ANOS1: variants seen among roughly 807,000 people sequenced by gnomAD.
The protein encoded by ANOS1 is anosmin-1.
A neutral mutation model predicts 59.0 loss-of-function variants in ANOS1; 6 were observed. The ratio of observed to expected loss-of-function variants is 0.10; its 90% CI spans 0.06 to 0.20. ANOS1 has a LOEUF of 0.20. Among genes scored for constraint, ANOS1 ranks in the 10% least tolerant of loss-of-function variants. The pLI is 1.00. For missense variants in ANOS1, 433 were observed against 542.3 expected (o/e 0.80, Z 2.00); for synonymous variants, 217 against 223.4 (o/e 0.97, Z 0.25).
intron 8 of ANOS1, among the ~76,000 whole-genome samples, chrX:8,554,559 T>A (rs866299926): frequency 1.0e-5 from 1 of 97,082 alleles, no homozygotes; most frequent in Non-Finnish European, 2.0e-5. Context: ...TTTTTTTTTT[T>A]TTTTTTTTTT....
Position 8,731,854 on chromosome X carries a change from G to T in ANOS1, c.183C>A (p.Ile61=), listed in dbSNP as rs1352848260. 1.1e-5 allele frequency: 13 copies of T among 1,192,895 alleles called. No homozygotes were observed. The highest frequency in any genetic ancestry group is 1.5e-5 in the Non-Finnish European group (13 of 887,820). Residue 61 remains isoleucine (I), a synonymous_variant, in exon 1 of 14, where the codon ATC becomes ATA. Transcript: ENST00000262648. Reference sequence around the variant, plus strand: ...CCTGGAAGTGCTGGAAGAAGGCGGAGATGCGAGTGATCTGCAGGCTCAGGC... The same window carrying T: ...CCTGGAAGTGCTGGAAGAAGGCGGATATGCGAGTGATCTGCAGGCTCAGGC... ...SRCLSLQITR[I]SAFFQHFQNN...
intron 1 of ANOS1, among the ~76,000 whole-genome samples, chrX:8,703,617 G>A (rs1461264651): frequency 9.0e-6 from 1 of 111,260 alleles, no homozygotes; most frequent in Non-Finnish European, 1.9e-5. Context: ...GTGAAGAAAG[G>A]AACAAGATGC....
intron 8 of ANOS1, among the ~76,000 whole-genome samples, chrX:8,564,948 A>G (rs1345316155): frequency 1.8e-5 from 2 of 111,783 alleles, no homozygotes; most frequent in Non-Finnish European, 3.8e-5. Flanking sequence ...AGGGTAGCAG[A>G]AGAAGCTAAT....
At position 8,704,154 on chromosome X, in the gene ANOS1, A is replaced by G. The variant is rs1371458737; in HGVS notation, c.208-4409T>C. Reference sequence around the variant, plus strand: ...TGGCTTTGCTCCTCCTTTGTCTTCCACCATGATTGTGAGGCCTCCCCAGCC... The same window carrying G: ...TGGCTTTGCTCCTCCTTTGTCTTCCGCCATGATTGTGAGGCCTCCCCAGCC... On this transcript the variant is annotated intron_variant, in intron 1 of 13. Coordinates refer to ENST00000262648, the MANE Select transcript of ANOS1 (RefSeq NM_000216.4). 4.5e-5 allele frequency among the ~76,000 whole-genome samples: 5 copies of G among 111,770 alleles called. No individual in the cohort carries two copies. The South Asian group carries it at 1.9e-3, about 42-fold the overall frequency.
chrX:8,586,931 T>C (rs1377425255), intron 5 of ANOS1, among the ~76,000 whole-genome samples: 1 of 105,857 alleles, frequency 9.4e-6, no homozygotes, highest in Non-Finnish European at 1.9e-5. Context: ...CACCTAAATA[T>C]TGACATTTAT....
Position 8,725,609 on chromosome X carries a change from GATAT to G in ANOS1, c.207+6217_207+6220del, listed in dbSNP as rs199789462. 4.1e-4 allele frequency among the ~76,000 whole-genome samples: 9 copies of G among 21,949 alleles called. 1 individual carries two copies. The highest frequency in any genetic ancestry group is 2.3e-3 in the African/African-American group (9 of 3,915). The allele number at this position is 21,949 out of a possible 115,157, so 19.1% of individuals were successfully genotyped here. ...ATATATATACAGATATATATATACA[GATAT>G]ATATATATACAGATATATATATACA... is the stretch of plus-strand genomic sequence containing the variant. On this transcript the variant is annotated intron_variant, in intron 1 of 13. Coordinates refer to ENST00000262648, the MANE Select transcript of ANOS1 (RefSeq NM_000216.4).
rs373753965 is a variant in ANOS1 at position 8,605,479 on chromosome X, T to C, written c.319-8223A>G. Among the ~76,000 whole-genome samples, 12 of 109,891 alleles carry C rather than the reference T, an allele frequency of 1.1e-4. No homozygotes were observed. The East Asian group carries it at 1.4e-3, about 13-fold the overall frequency. On this transcript the variant is annotated intron_variant, in intron 3 of 13. Coordinates refer to ENST00000262648, the MANE Select transcript of ANOS1 (RefSeq NM_000216.4). ...GAGTTTGAGACCAGCCTGGCCAACA[T>C]GGAGAAACCCCGTCTCTCCTAAAAA...
Position 8,713,707 on chromosome X carries a change from G to A in ANOS1, c.208-13962C>T, listed in dbSNP as rs925128381. 3.6e-5 allele frequency among the ~76,000 whole-genome samples: 4 copies of A among 109,598 alleles called. No individual in the cohort carries two copies. In the East Asian group the frequency reaches 8.6e-4, roughly 23 times the overall value. ...AGCTCACTGCAACCTCCGCCTCCCG[G>A]GTTCAAGTGATTCTCCTGCCTCAGC... On this transcript the variant is annotated intron_variant, in intron 1 of 13. Transcript: ENST00000262648.
At chrX:8,624,921 G>T (rs1001624048) in intron 2 of ANOS1, among the ~76,000 whole-genome samples, 5 of 109,475 alleles carry the variant, frequency 4.6e-5, no homozygotes, top group Admixed American at 4.0e-4. Flanking sequence ...CAGCCTGGCC[G>T]ACAAAGTGAA....
chrX:8,623,267 A>G (rs1356635952), intron 3 of ANOS1, among the ~76,000 whole-genome samples: 1 of 111,720 alleles, frequency 9.0e-6, no homozygotes. Context: ...TCTTCTCCCA[A>G]ATGGCATGAA....
At position 8,530,491 on chromosome X, in the gene ANOS1, C is replaced by T. The variant is rs1363532841; in HGVS notation, c.*2504G>A. Reference sequence around the variant, plus strand: ...AATAATACTGGAGCTTATTAAAATCCATAAGAGAAACACATGTTTTTTATT... The same window carrying T: ...AATAATACTGGAGCTTATTAAAATCTATAAGAGAAACACATGTTTTTTATT... On this transcript the variant is annotated 3_prime_UTR_variant, in exon 14 of 14. Transcript: ENST00000262648. 1.8e-5 allele frequency: 2 copies of T among 110,550 alleles called. No homozygotes were observed. The highest frequency in any genetic ancestry group is 4.9e-3 in the Middle Eastern group (1 of 204). The allele number at this position is 110,550 out of a possible 1,213,427, so 9.1% of individuals were successfully genotyped here.
intron 9 of ANOS1, among the ~76,000 whole-genome samples, chrX:8,545,367 A>AGAAAG (rs1218047311): frequency 1.0e-5 from 1 of 98,083 alleles, no homozygotes; most frequent in Admixed American, 1.1e-4. Flanking sequence ...GGAGGGAGGA[A>AGAAAG]GAAAGGAAAG....
intron 3 of ANOS1, among the ~76,000 whole-genome samples, chrX:8,604,291 GA>G (rs1930898422): frequency 9.0e-6 from 1 of 111,085 alleles, no homozygotes; most frequent in African/African-American, 3.3e-5. Flanking sequence ...GTGAACTTCT[GA>G]CCCGTTTCTT....
chrX:8,548,550 T>C (rs1929806637), intron 9 of ANOS1, among the ~76,000 whole-genome samples: 1 of 112,064 alleles, frequency 8.9e-6, no homozygotes, highest in Non-Finnish European at 1.9e-5. Flanking sequence ...AAGGAGCAGA[T>C]GCATGGTCTA....
chrX:8,614,718 A>T (rs1055931377), intron 3 of ANOS1, among the ~76,000 whole-genome samples: 1 of 110,166 alleles, frequency 9.1e-6, no homozygotes, highest in African/African-American at 3.3e-5. Context: ...CTAACTCCTT[A>T]TGTGCCTATT....
intron 2 of ANOS1, among the ~76,000 whole-genome samples, chrX:8,697,140 G>A (rs754139009): frequency 1.8e-5 from 2 of 111,849 alleles, no homozygotes; most frequent in African/African-American, 3.3e-5. Context: ...CTACTCGGGA[G>A]GCTGAGGCAG....
chrX:8,611,546 T>C (rs1037031801), intron 3 of ANOS1, among the ~76,000 whole-genome samples: 1 of 110,831 alleles, frequency 9.0e-6, no homozygotes, highest in Admixed American at 9.6e-5. Context: ...TACTTAACCG[T>C]ATTGCTTCAT....
At chrX:8,666,815 C>G (rs1445352454) in intron 2 of ANOS1, among the ~76,000 whole-genome samples, 5 of 111,675 alleles carry the variant, frequency 4.5e-5, no homozygotes, top group South Asian at 7.6e-4. Context: ...CTCCTCGTCT[C>G]CAGGCTTCTT....
chrX:8,666,148 A>G (rs1427681666), intron 2 of ANOS1, among the ~76,000 whole-genome samples: 1 of 111,680 alleles, frequency 9.0e-6, no homozygotes, highest in South Asian at 3.8e-4. Flanking sequence ...GTGAGCTACA[A>G]TCACGCCACT....
Sources: allele counts gnomAD v4.1 joint callset (sites outside exome capture counted in the v4.1 genomes callset), GRCh38; gene constraint gnomAD v4.1.1; transcripts MANE v1.5; gene names NCBI Gene and HGNC (gene_info 2026-07-23, HGNC 2026-07-21).